EYS: variants seen among roughly 807,000 people sequenced by gnomAD.
EYS encodes protein eyes shut homolog.
In EYS, 250 loss-of-function variants were observed where a neutral mutation model predicts 282.1. That is an observed-to-expected ratio of 0.89 (90% CI 0.80 to 0.98). The LOEUF (loss-of-function observed/expected upper bound fraction) is 0.98, where lower values mean the gene tolerates loss of function less well. Ranked by LOEUF, EYS falls within the 50% of genes least tolerant of loss-of-function variation. The pLI is 0.00. For synonymous variants in EYS, 1,355 were observed against 1,282.9 expected, an observed-to-expected ratio of 1.06 and a Z score of -1.20; for missense variants, 4,016 against 3,709.0, an observed-to-expected ratio of 1.08 and a Z score of -2.15.
intron 31 of EYS, among the ~76,000 whole-genome samples, chr6:64,174,629 G>A (rs185317823): frequency 1.1e-3 from 172 of 151,690 alleles, no homozygotes; most frequent in Non-Finnish European, 1.9e-3. Flanking sequence ...AACAATTAGG[G>A]TAATGTATAC....
intron 12 of EYS, among the ~76,000 whole-genome samples, chr6:65,275,483 C>T (rs1442919200): frequency 6.6e-6 from 1 of 152,146 alleles, no homozygotes; most frequent in East Asian, 1.9e-4. Context: ...GCCCAAATGC[C>T]CATGGTTGCC....
intron 7 of EYS, among the ~76,000 whole-genome samples, chr6:65,394,585 C>G (rs1766198971): frequency 6.6e-6 from 1 of 152,082 alleles, no homozygotes; most frequent in African/African-American, 2.4e-5. Flanking sequence ...CCTGAGAGAA[C>G]CCAGCACTAT....
chr6:65,274,683 C>T (rs1267375272), intron 12 of EYS, among the ~76,000 whole-genome samples: 1 of 152,088 alleles, frequency 6.6e-6, no homozygotes, highest in Non-Finnish European at 1.5e-5. Flanking sequence ...CATGCTGGTT[C>T]ATTACACTGA....
At chr6:65,393,211 T>C (rs1766126440) in intron 7 of EYS, among the ~76,000 whole-genome samples, 1 of 152,064 alleles carries the variant, frequency 6.6e-6, no homozygotes, top group African/African-American at 2.4e-5. Flanking sequence ...TTGGGAGATA[T>C]ACCTAATGCT....
intron 36 of EYS, among the ~76,000 whole-genome samples, chr6:63,833,245 T>A (rs1771698317): frequency 6.6e-6 from 1 of 151,702 alleles, no homozygotes; most frequent in Non-Finnish European, 1.5e-5. Context: ...AGAAATGAAG[T>A]GTATTCAATT....
intron 19 of EYS, among the ~76,000 whole-genome samples, chr6:64,862,855 T>A (rs576341389): frequency 6.6e-6 from 1 of 152,270 alleles, no homozygotes; most frequent in Admixed American, 6.5e-5. Context: ...TATATGTATA[T>A]ATTCAAATAT....
At chr6:63,838,541 G>A (rs1013186012) in intron 36 of EYS, among the ~76,000 whole-genome samples, 1 of 152,136 alleles carries the variant, frequency 6.6e-6, no homozygotes, top group Non-Finnish European at 1.5e-5. Context: ...TGGTGATAAG[G>A]TGTGGAGGAG....
At chr6:64,985,543 T>C (rs1770829107) in intron 14 of EYS, among the ~76,000 whole-genome samples, 1 of 151,530 alleles carries the variant, frequency 6.6e-6, no homozygotes, top group Non-Finnish European at 1.5e-5. Context: ...AGTCAAACTC[T>C]AAGTGAGGTC....
chr6:63,837,797 T>C (rs912692028), intron 36 of EYS, among the ~76,000 whole-genome samples: 2 of 152,186 alleles, frequency 1.3e-5, no homozygotes, highest in Non-Finnish European at 2.9e-5. Context: ...AACATCAATA[T>C]CAAGATTATA....
intron 12 of EYS, among the ~76,000 whole-genome samples, chr6:65,130,063 A>G (rs972457633): frequency 1.3e-5 from 2 of 151,910 alleles, no homozygotes; most frequent in African/African-American, 2.4e-5. Flanking sequence ...GAAACAGAAA[A>G]CCAAATACCA....
At chr6:64,328,100 T>C (rs992008166) in intron 29 of EYS, among the ~76,000 whole-genome samples, 1 of 152,210 alleles carries the variant, frequency 6.6e-6, no homozygotes, top group Non-Finnish European at 1.5e-5. Flanking sequence ...ACTGATCTCT[T>C]AAATTGGAGA....
chr6:64,496,836 A>G (rs990853810), intron 26 of EYS, among the ~76,000 whole-genome samples: 3 of 152,086 alleles, frequency 2.0e-5, no homozygotes, highest in African/African-American at 4.8e-5. Context: ...TTCAAAAGCA[A>G]CAAGTTTATA....
intron 22 of EYS, among the ~76,000 whole-genome samples, chr6:64,787,204 C>T (rs952986008): frequency 5.3e-5 from 8 of 152,098 alleles, no homozygotes; most frequent in Admixed American, 2.0e-4. Flanking sequence ...TTCCTCATTG[C>T]CAGCTAGGCA....
chr6:65,526,285 G>GA (rs1393156282), intron 2 of EYS, among the ~76,000 whole-genome samples: 2 of 152,220 alleles, frequency 1.3e-5, no homozygotes, highest in East Asian at 1.9e-4. Context: ...GATATTTACA[G>GA]AAAAAATCAA....
intron 19 of EYS, among the ~76,000 whole-genome samples, chr6:64,880,797 TACAC>T (rs1286646822): frequency 6.7e-6 from 1 of 149,694 alleles, no homozygotes; most frequent in East Asian, 1.9e-4. Flanking sequence ...GTTTATATTT[TACAC>T]ACATACTTAT....
At chr6:64,576,544 A>G (rs1252959238) in intron 26 of EYS, among the ~76,000 whole-genome samples, 1 of 152,038 alleles carries the variant, frequency 6.6e-6, no homozygotes. Flanking sequence ...TCCCACTTAG[A>G]TATTTATGGG....
chr6:64,657,177 C>T lies in EYS; in HGVS notation c.3444-30932G>A, dbSNP rs9452294. ...TTTTATCAGAGACTAGGATTGCAAC[C>T]CCTGCCTTTTTTTGTTTTCCATTTG... is the stretch of plus-strand genomic sequence containing the variant. On this transcript the variant is annotated intron_variant, in intron 22 of 42. Coordinates refer to ENST00000503581, the MANE Select transcript of EYS (RefSeq NM_001142800.2). Among the ~76,000 whole-genome samples, 1,085 of 152,108 alleles carry T rather than the reference C, an allele frequency of 7.1e-3. 12 individuals are homozygous for T. Among genetic ancestry groups the T allele is most frequent in the African/African-American group, 0.024 (989 of 41,492 alleles).
intron 24 of EYS, among the ~76,000 whole-genome samples, chr6:64,612,726 T>A (rs1767152543): frequency 6.6e-6 from 1 of 152,126 alleles, no homozygotes; most frequent in South Asian, 2.1e-4. Context: ...CAGCAGGGAC[T>A]ATTTACCTCC....
intron 26 of EYS, among the ~76,000 whole-genome samples, chr6:64,451,034 C>CA (rs1465336945): frequency 1.3e-5 from 2 of 151,950 alleles, no homozygotes; most frequent in Admixed American, 1.3e-4. Flanking sequence ...AATAGAGACA[C>CA]AAAAAACCCT....
Sources: allele counts gnomAD v4.1 joint callset (sites outside exome capture counted in the v4.1 genomes callset), GRCh38; gene constraint gnomAD v4.1.1; transcripts MANE v1.5; gene names NCBI Gene and HGNC (gene_info 2026-07-23, HGNC 2026-07-21).